Variants in PCDHA4 observed in about 807,000 individuals in gnomAD.
PCDHA4 encodes the protein protocadherin alpha 4.
In PCDHA4, 49 loss-of-function variants were observed where a neutral mutation model predicts 61.4. The observed-to-expected ratio is 0.80, with a 90% CI of 0.63 to 1.01. The LOEUF (loss-of-function observed/expected upper bound fraction) is 1.01. Among genes scored for constraint, PCDHA4 ranks in the 50% least tolerant of loss-of-function variants. PCDHA4 has a pLI of 0.00. For synonymous variants in PCDHA4, 590 were observed against 550.3 expected (o/e 1.07, Z -1.01); for missense variants, 1,254 against 1,235.8 (o/e 1.01, Z -0.22).
chr5:140,823,120 G>C (rs868916716), intron 1 of PCDHA4: 3 of 1,613,940 alleles, frequency 1.9e-6, no homozygotes, highest in African/African-American at 1.3e-5. Flanking sequence ...CGACGTGAAC[G>C]ACAACGCTCC....
intron 1 of PCDHA4, among the ~76,000 whole-genome samples, chr5:140,962,688 G>C (rs1433931568): frequency 2.0e-5 from 3 of 152,164 alleles, no homozygotes; most frequent in African/African-American, 7.2e-5. Context: ...TGTTTTATCT[G>C]TAAATAATGC....
In PCDHA4 at chr5:140,822,727, A is replaced by C. The variant is rs17844292; in HGVS notation, c.2385+13155A>C. 23 of 1,612,342 alleles carry C rather than the reference A, an allele frequency of 1.4e-5. No homozygotes were observed. In the East Asian group the frequency reaches 4.9e-4, roughly 34 times the overall value. On this transcript the variant is annotated intron_variant, in intron 1 of 3. Transcript: ENST00000530339. ...TGAAGACTATAACTCATATGAAATTAATATTGATGCCATGGATAAAAGTAC... is the reference window on the plus strand; with the variant it reads ...TGAAGACTATAACTCATATGAAATTCATATTGATGCCATGGATAAAAGTAC...
intron 1 of PCDHA4, chr5:140,837,311 A>G (rs1328894218): frequency 1.3e-5 from 2 of 152,060 alleles, no homozygotes; most frequent in Non-Finnish European, 2.9e-5. Context: ...TGTATTTGCC[A>G]TGTTCATGAA....
Position 140,877,146 on chromosome 5 carries a change from G to A in PCDHA4, c.2385+67574G>A, listed in dbSNP as rs781819140. The A allele has an allele frequency of 1.9e-6, 3 of 1,613,818 alleles. No individual in the cohort carries two copies. In the East Asian group the frequency reaches 6.7e-5, roughly 36 times the overall value. On this transcript the variant is annotated intron_variant, in intron 1 of 3. Coordinates refer to ENST00000530339, the MANE Select transcript of PCDHA4 (RefSeq NM_018907.4). ...CGCTGCAGGTGTTCGTGCTGGACGA[G>A]AACGACAACGCGCCGGCACTGCTGG...
intron 1 of PCDHA4, chr5:140,929,632 C>T: frequency 2.6e-6 from 1 of 387,580 alleles, no homozygotes; most frequent in Admixed American, 4.5e-5. Flanking sequence ...TTATAAGCAA[C>T]AGATGTGTAA....
chr5:140,936,981 T>C (rs2153630854), intron 1 of PCDHA4, among the ~76,000 whole-genome samples: 1 of 152,330 alleles, frequency 6.6e-6, no homozygotes, highest in South Asian at 2.1e-4. Flanking sequence ...ATGAAGCTTG[T>C]TAACATTGAC....
intron 1 of PCDHA4, chr5:140,877,241 T>G (rs1554169505): frequency 1.2e-6 from 2 of 1,613,670 alleles, no homozygotes; most frequent in Non-Finnish European, 1.7e-6. Flanking sequence ...GCGGGCCACG[T>G]GGTGGCGAAA....
In PCDHA4 at chr5:140,835,680, C is replaced by A. The variant is rs2150241824; in HGVS notation, c.2385+26108C>A. ...GGTTACCGCGCGGGACGGGGGCTCGCCTTCTCTGTGGGCCACTGCTAGCGT... is the reference window on the plus strand; with the variant it reads ...GGTTACCGCGCGGGACGGGGGCTCGACTTCTCTGTGGGCCACTGCTAGCGT... On this transcript the variant is annotated intron_variant, in intron 1 of 3. Coordinates refer to ENST00000530339, the MANE Select transcript of PCDHA4 (RefSeq NM_018907.4). The A allele has an allele frequency of 5.6e-6, 9 of 1,613,886 alleles. No homozygotes were observed. The Admixed American group carries it at 1.5e-4, about 27-fold the overall frequency.
chr5:140,869,878 A>T, intron 1 of PCDHA4: 1 of 1,610,122 alleles, frequency 6.2e-7, no homozygotes, highest in Non-Finnish European at 8.5e-7. Flanking sequence ...TGCTAAAGAA[A>T]CTCTTGTGCT....
intron 1 of PCDHA4, chr5:140,863,201 C>T (rs782647654): frequency 2.2e-5 from 20 of 925,678 alleles, no homozygotes; most frequent in South Asian, 1.0e-4. Context: ...GCGTCGCTGG[C>T]GGAGAGCAGC....
intron 1 of PCDHA4, among the ~76,000 whole-genome samples, chr5:140,846,179 C>T (rs1250648449): frequency 1.3e-5 from 2 of 149,312 alleles, no homozygotes; most frequent in African/African-American, 4.9e-5. Flanking sequence ...CCTGAGTAGG[C>T]GTTTGAGTTC....
At chr5:140,997,466 T>G (rs2097771241) in intron 3 of PCDHA4, among the ~76,000 whole-genome samples, 2 of 152,186 alleles carry the variant, frequency 1.3e-5, no homozygotes, top group Admixed American at 1.3e-4. Context: ...CTGTAGGCAA[T>G]TTTTACACAA....
At chr5:140,989,665 T>G (rs2097353443) in intron 3 of PCDHA4, among the ~76,000 whole-genome samples, 2 of 152,190 alleles carry the variant, frequency 1.3e-5, no homozygotes, top group South Asian at 4.1e-4. Flanking sequence ...TAAAAGAAAC[T>G]CTGCCCAGAT....
At chr5:140,869,163 C>T in intron 1 of PCDHA4, 1 of 1,613,910 alleles carries the variant, frequency 6.2e-7, no homozygotes, top group Non-Finnish European at 8.5e-7. Flanking sequence ...GGCTTCTCCT[C>T]CTCGAATTCT....
intron 1 of PCDHA4, among the ~76,000 whole-genome samples, chr5:140,831,979 C>T (rs2150198667): frequency 6.6e-6 from 1 of 152,178 alleles, no homozygotes; most frequent in East Asian, 1.9e-4. Context: ...CTAGGAAACT[C>T]TCATTACGGA....
chr5:140,986,587 C>G (rs1194407522), intron 3 of PCDHA4, among the ~76,000 whole-genome samples: 1 of 152,208 alleles, frequency 6.6e-6, no homozygotes, highest in East Asian at 1.9e-4. Flanking sequence ...TCCAGCTCCT[C>G]TTTCTACATT....
At chr5:140,873,076 AT>A (rs2054077114) in intron 1 of PCDHA4, among the ~76,000 whole-genome samples, 1 of 152,056 alleles carries the variant, frequency 6.6e-6, no homozygotes, top group South Asian at 2.1e-4. Flanking sequence ...ATATCTAGCT[AT>A]TTCCCCCCCG....
chr5:140,851,653 A>T, intron 1 of PCDHA4: 1 of 911,134 alleles, frequency 1.1e-6, no homozygotes. Context: ...TCAAGAAGAC[A>T]TTCTCCTTTT....
chr5:140,862,649 C>T, intron 1 of PCDHA4: 1 of 543,104 alleles, frequency 1.8e-6, no homozygotes, highest in East Asian at 5.0e-5. Context: ...ACAGTGTCCG[C>T]GCGGGACCGG....
Sources: gnomAD v4.1 joint callset for allele counts (sites outside exome capture counted in the v4.1 genomes callset) on GRCh38, gnomAD v4.1.1 for gene constraint, MANE v1.5 for transcripts, NCBI Gene and HGNC (gene_info 2026-07-23, HGNC 2026-07-21) for gene names.